Variants in MAGI2 observed in about 807,000 individuals in gnomAD.
MAGI2 encodes membrane associated guanylate kinase, WW and PDZ domain containing 2.
MAGI2 carries 35 observed loss-of-function variants against 133.3 expected under a neutral mutation model. The ratio of observed to expected loss-of-function variants is 0.26; its 90% CI spans 0.20 to 0.35. MAGI2 has a LOEUF of 0.35. Among genes scored for constraint, MAGI2 ranks in the 10% least tolerant of loss-of-function variants. The pLI is 1.00. For missense variants in MAGI2, 1,636 were observed against 1,863.4 expected (o/e 0.88, Z 2.25); for synonymous variants, 729 against 710.6 (o/e 1.03, Z -0.41).
chr7:78,844,553 C>G (rs1382775124), intron 2 of MAGI2, among the ~76,000 whole-genome samples: 1 of 151,780 alleles, frequency 6.6e-6, no homozygotes, highest in Admixed American at 6.6e-5. Flanking sequence ...TAAGTGAAAC[C>G]ATATTGCATG....
intron 2 of MAGI2, among the ~76,000 whole-genome samples, chr7:78,727,591 A>C (rs530381530): frequency 6.6e-6 from 1 of 152,336 alleles, no homozygotes; most frequent in East Asian, 1.9e-4. Context: ...TTAAGATCCA[A>C]CTGAAGTATA....
At chr7:78,670,191 ATCT>A (rs1302725534) in intron 2 of MAGI2, among the ~76,000 whole-genome samples, 1 of 152,050 alleles carries the variant, frequency 6.6e-6, no homozygotes, top group Admixed American at 6.6e-5. Context: ...TCAGCCCAAA[ATCT>A]TCTTAAGCTG....
chr7:78,592,838 T>TTTC (rs1423692041), intron 3 of MAGI2, among the ~76,000 whole-genome samples: 4 of 75,562 alleles, frequency 5.3e-5, no homozygotes, highest in African/African-American at 1.3e-4. Context: ...CTTTTTTTTT[T>TTTC]TTTTTTTTTT....
intron 1 of MAGI2, among the ~76,000 whole-genome samples, chr7:79,177,652 T>A (rs1172255646): frequency 6.6e-6 from 1 of 152,056 alleles, no homozygotes; most frequent in Non-Finnish European, 1.5e-5. Context: ...ATCAAAATGA[T>A]GATAATAATA....
intron 1 of MAGI2, among the ~76,000 whole-genome samples, chr7:79,342,970 G>T (rs889445280): frequency 8.6e-5 from 13 of 151,820 alleles, no homozygotes; most frequent in African/African-American, 3.1e-4. Context: ...CACCATGTTA[G>T]CCAGGCTAGT....
chr7:78,589,791 T>G (rs1803805042), intron 3 of MAGI2, among the ~76,000 whole-genome samples: 1 of 152,228 alleles, frequency 6.6e-6, no homozygotes, highest in South Asian at 2.1e-4. Flanking sequence ...TTGATTACTT[T>G]AAATATAGGT....
intron 6 of MAGI2, among the ~76,000 whole-genome samples, chr7:78,452,338 G>C (rs1283200185): frequency 6.6e-6 from 1 of 151,908 alleles, no homozygotes; most frequent in Non-Finnish European, 1.5e-5. Flanking sequence ...GTAATAACCG[G>C]GGAAGTGATA....
chr7:78,165,980 A>G (rs569597584), intron 15 of MAGI2, among the ~76,000 whole-genome samples: 80 of 152,340 alleles, frequency 5.3e-4, no homozygotes, highest in African/African-American at 1.6e-3. Context: ...TTCAAGGAAG[A>G]GTGGGCTGAA....
intron 10 of MAGI2, among the ~76,000 whole-genome samples, chr7:78,236,030 T>G (rs1471649424): frequency 3.8e-5 from 3 of 78,346 alleles, no homozygotes; most frequent in Non-Finnish European, 1.1e-4. Context: ...ACTGTATGTT[T>G]TTTTTTTTTT....
chr7:78,684,957 C>T (rs1021999688), intron 2 of MAGI2, among the ~76,000 whole-genome samples: 2 of 152,102 alleles, frequency 1.3e-5, no homozygotes, highest in African/African-American at 4.8e-5. Context: ...TACAGAGGAG[C>T]CTGTGGTACC....
intron 1 of MAGI2, among the ~76,000 whole-genome samples, chr7:79,158,409 G>A (rs1824029609): frequency 6.6e-6 from 1 of 151,966 alleles, no homozygotes; most frequent in Admixed American, 6.6e-5. Context: ...CGTGACTTAA[G>A]AAAAATCTTT....
Position 78,125,845 on chromosome 7 carries a change from G to T in MAGI2, c.3424-8C>A, listed in dbSNP as rs1463929156. 1 of 1,613,548 alleles carries T rather than the reference G, an allele frequency of 6.2e-7. No homozygotes were observed. The highest frequency in any genetic ancestry group is 1.1e-5 in the South Asian group (1 of 90,946). On this transcript the variant is annotated splice_polypyrimidine_tract_variant and splice_region_variant and intron_variant, in intron 19 of 21. Transcript: ENST00000354212. ...AGTGAAATAATCAAAATCCTTTGGG[G>T]TTGGGGAGAAAATGGAATAAATAAT...
chr7:78,044,959 G>T (rs1365246597), intron 21 of MAGI2, among the ~76,000 whole-genome samples: 2 of 152,182 alleles, frequency 1.3e-5, no homozygotes, highest in African/African-American at 4.8e-5. Flanking sequence ...ACGAGGTCAA[G>T]AGATAGAGAC....
At chr7:78,675,248 CTGTTGTTGTTGT>C (rs57947329) in intron 2 of MAGI2, among the ~76,000 whole-genome samples, 4 of 150,524 alleles carry the variant, frequency 2.7e-5, no homozygotes, top group Non-Finnish European at 3.0e-5. Flanking sequence ...TTATGGGTTG[CTGTTGTTGTTGT>C]TGTTGTTGTT....
At chr7:78,627,714 CTGTT>C (rs1808521110) in intron 2 of MAGI2, among the ~76,000 whole-genome samples, 3 of 152,062 alleles carry the variant, frequency 2.0e-5, no homozygotes, top group African/African-American at 7.2e-5. Flanking sequence ...TTTGGGAGGA[CTGTT>C]TGTTGGTTTT....
intron 9 of MAGI2, among the ~76,000 whole-genome samples, chr7:78,261,004 C>T (rs951727035): frequency 6.6e-5 from 10 of 151,988 alleles, no homozygotes; most frequent in East Asian, 1.9e-4. Context: ...CCTCTACCCC[C>T]GCATTCTTTG....
At chr7:78,401,119 C>T (rs775207891) in intron 6 of MAGI2, among the ~76,000 whole-genome samples, 2 of 151,728 alleles carry the variant, frequency 1.3e-5, no homozygotes, top group African/African-American at 4.8e-5. Flanking sequence ...TTGTGAAACC[C>T]GAGGGTGCTT....
At chr7:78,100,178 A>G (rs28441309) in intron 20 of MAGI2, among the ~76,000 whole-genome samples, 1,982 of 152,120 alleles carry the variant, frequency 0.013, 33 homozygotes, top group African/African-American at 0.033. Flanking sequence ...GTCGCTTCCC[A>G]CTGGTGCTCC....
chr7:79,041,392 CT>C (rs1445937977), intron 1 of MAGI2, among the ~76,000 whole-genome samples: 1 of 152,168 alleles, frequency 6.6e-6, no homozygotes, highest in Non-Finnish European at 1.5e-5. Context: ...TTTATTGCAT[CT>C]CAAGCTCTAA....
Sources: gnomAD v4.1 joint callset for allele counts (sites outside exome capture counted in the v4.1 genomes callset) on GRCh38, gnomAD v4.1.1 for gene constraint, MANE v1.5 for transcripts, NCBI Gene and HGNC (gene_info 2026-07-23, HGNC 2026-07-21) for gene names.